Variants in XYLT2 observed in about 807,000 individuals in gnomAD.
The protein encoded by XYLT2 is UDP-D-xylose:proteoglycan core protein beta-D-xylosyltransferase.
A neutral mutation model predicts 82.6 loss-of-function variants in XYLT2; 37 were observed. The observed-to-expected ratio is 0.45, with a 90% confidence interval of 0.34 to 0.59. The LOEUF (loss-of-function observed/expected upper bound fraction) is 0.59, where lower values mean the gene tolerates loss of function less well. Ranked by LOEUF, XYLT2 falls within the 20% of genes least tolerant of loss-of-function variation. The pLI, the probability that XYLT2 is intolerant of heterozygous loss-of-function variation, is 0.01. For synonymous variants in XYLT2, 474 were observed against 499.0 expected (o/e 0.95, Z 0.67); for missense variants, 934 against 1,181.3 (o/e 0.79, Z 3.07).
chr17:50,347,947 G>A (rs1432221944), intron 1 of XYLT2, among the ~76,000 whole-genome samples: 2 of 152,206 alleles, frequency 1.3e-5, no homozygotes, highest in African/African-American at 2.4e-5. Flanking sequence ...CCCTCCTCAA[G>A]ATGGGGATAA....
chr17:50,360,562 C>CTTTTT lies in XYLT2; in HGVS notation c.*275_*279dup, dbSNP rs1353598617. Reference sequence around the variant, plus strand: ...TCACCTTCCTGTCTAGTTTGAATTTCTTTTTTTTCTTTTTTTTTTTTTTTT... The same window carrying CTTTTT: ...TCACCTTCCTGTCTAGTTTGAATTTCTTTTTTTTTTTTTCTTTTTTTTTTTTTTTT... On this transcript the variant is annotated 3_prime_UTR_variant, in exon 11 of 11. Coordinates refer to ENST00000017003, the MANE Select transcript of XYLT2 (RefSeq NM_022167.4). 6.9e-6 allele frequency: 7 copies of CTTTTT among 1,014,388 alleles called. No homozygotes were observed. The highest frequency in any genetic ancestry group is 1.8e-4 in the Admixed American group (2 of 11,238). 62.8% of individuals were successfully genotyped at this position (1,014,388 alleles called of 1,614,324 possible). A position where few individuals can be genotyped will look rare whatever the true frequency, so the allele number is the denominator to read the frequency against.
At chr17:50,347,529 GGA>G (rs1213913530) in intron 1 of XYLT2, among the ~76,000 whole-genome samples, 1 of 152,168 alleles carries the variant, frequency 6.6e-6, no homozygotes, top group Non-Finnish European at 1.5e-5. Flanking sequence ...CAAGCAAGTA[GGA>G]GAGTGTTTCA....
rs751294700 is a variant in XYLT2, at chr17:50,353,887, G to C, written c.393G>C (p.Ala131=). 1.2e-6 allele frequency: 2 copies of C among 1,608,664 alleles called. No individual in the cohort carries two copies. Among genetic ancestry groups the C allele is most frequent in the Non-Finnish European group, 1.7e-6 (2 of 1,179,512 alleles). Reference sequence around the variant, plus strand: ...TGAGTGGGGCAGCAGCTGGGGAGGCGCTGGTAGGGGCAGCTGGCTTCCCAC... The same window carrying C: ...TGAGTGGGGCAGCAGCTGGGGAGGCCCTGGTAGGGGCAGCTGGCTTCCCAC... ...QNLSGAAAGE[A]LVGAAGFPPH... Residue 131 remains alanine, a synonymous_variant, in exon 2 of 11, where the codon GCG becomes GCC. Transcript: ENST00000017003.
Position 50,354,589 on chromosome 17 carries a change from G to C in XYLT2, c.804+6G>C, listed in dbSNP as rs1372875827. 4 of 1,600,722 alleles carry C rather than the reference G, an allele frequency of 2.5e-6. No homozygotes were observed. In the African/African-American group the frequency reaches 5.3e-5, roughly 21 times the overall value. On this transcript the variant is annotated splice_donor_region_variant and intron_variant, in intron 3 of 10. Coordinates refer to ENST00000017003, the MANE Select transcript of XYLT2 (RefSeq NM_022167.4). The stretch of plus-strand genomic sequence containing the variant: ...TTTACATCCATGTGGACAAGGTACT[G>C]TGGTGGGGAGAGGCCAAGGGGTCTG...
At chr17:50,356,871 A>T in intron 8 of XYLT2, 98 bp downstream of exon 8, 1 of 1,508,754 alleles carries the variant, frequency 6.6e-7, no homozygotes, top group Non-Finnish European at 8.8e-7. Context: ...ACAAGGCCCC[A>T]GTCTGAAGCA....
At position 50,357,385 on chromosome 17, in the gene XYLT2, C is replaced by T. The variant is rs564610769; in HGVS notation, c.1941+133C>T. On this transcript the variant is annotated intron_variant, in intron 9 of 10. Coordinates refer to ENST00000017003, the MANE Select transcript of XYLT2 (RefSeq NM_022167.4). ...TGGCAGCCATGGTGATGCCCCCATG[C>T]AGACATCCTGTGTCACCCCCCAGCC... 1.5e-5 allele frequency: 13 copies of T among 892,932 alleles called. No individual in the cohort carries two copies. The South Asian group carries it at 2.1e-4, about 15-fold the overall frequency. The allele number at this position is 892,932 out of a possible 1,614,324, so 55.3% of individuals were successfully genotyped here. A position where few individuals can be genotyped will look rare whatever the true frequency, so the allele number is the denominator to read the frequency against.
In XYLT2 at chr17:50,359,994, G is replaced by A. The variant is rs952891950; in HGVS notation, c.2301G>A (p.Gly767=). The A allele has an allele frequency of 1.9e-6, 3 of 1,608,934 alleles. No individual in the cohort carries two copies. Among genetic ancestry groups the A allele is most frequent in the Non-Finnish European group, 2.5e-6 (3 of 1,176,976 alleles). Reference sequence around the variant, plus strand: ...ATGATGCCAGCTGGCTGCACGCAGGGCCACCCCACAACGAGTACATGGAGC... The same window carrying A: ...ATGATGCCAGCTGGCTGCACGCAGGACCACCCCACAACGAGTACATGGAGC... ...RKDDASWLHA[G]PPHNEYMEQS... is the part of the protein sequence containing the mutation. Residue 767 remains glycine, a synonymous_variant, in exon 11 of 11, where the codon GGG becomes GGA. Coordinates refer to ENST00000017003, the MANE Select transcript of XYLT2 (RefSeq NM_022167.4).
intron 1 of XYLT2, among the ~76,000 whole-genome samples, chr17:50,352,913 G>A (rs555924523): frequency 6.6e-6 from 1 of 152,316 alleles, no homozygotes; most frequent in East Asian, 1.9e-4. Flanking sequence ...CTTCCTCGAG[G>A]CTGTGCTGGA....
chr17:50,355,385 G>A, intron 4 of XYLT2, 116 bp from the exon 5 acceptor site: 1 of 1,129,110 alleles, frequency 8.9e-7, no homozygotes, highest in Non-Finnish European at 1.3e-6. Flanking sequence ...TCAGCCAGGG[G>A]TAGGGCACAT....
Position 50,356,691 on chromosome 17 carries a change from C to T in XYLT2, c.1663C>T (p.Leu555Phe), listed in dbSNP as rs1912553930. Residue 555 changes from leucine to phenylalanine, a missense_variant, in exon 8 of 11, where the codon CTC becomes TTC. Transcript: ENST00000017003. ...DGPSGLSDVM[L>F]TAYTAFARLS... ...CCCCAGTGGGCTCAGTGATGTCATG[C>T]TCACTGCTTACACAGCCTTCGCCCG... 1.2e-6 allele frequency: 2 copies of T among 1,612,746 alleles called. No individual in the cohort carries two copies. The highest frequency in any genetic ancestry group is 1.7e-6 in the Non-Finnish European group (2 of 1,180,010).
intron 2 of XYLT2, 44 bp downstream of exon 2, chr17:50,354,166 G>A (rs1463123412): frequency 3.1e-6 from 5 of 1,597,142 alleles, no homozygotes; most frequent in Non-Finnish European, 8.5e-7. Flanking sequence ...CGGGGGCAGG[G>A]GGGTGGCATG....
At position 50,356,658 on chromosome 17, in the gene XYLT2, G is replaced by A; in HGVS notation, c.1630G>A (p.Ala544Thr). The A allele has an allele frequency of 1.2e-6, 2 of 1,613,944 alleles. No individual in the cohort carries two copies. Among genetic ancestry groups the A allele is most frequent in the Non-Finnish European group, 1.7e-6 (2 of 1,180,026 alleles). Residue 544 changes from alanine (A) to threonine (T), a missense_variant, in exon 8 of 11, where the codon GCT becomes ACT. Ala to Thr is a moderately conservative substitution (Grantham distance 58). Coordinates refer to ENST00000017003, the MANE Select transcript of XYLT2 (RefSeq NM_022167.4). ...CTACTGGGAGAACACCTACGACGCG[G>A]CTGATGGCCCCAGTGGGCTCAGTGA... ...KAYWENTYDA[A>T]DGPSGLSDVM... is the part of the protein sequence containing the mutation.
At chr17:50,357,343 G>C in intron 9 of XYLT2, 91 bp downstream of exon 9, 1 of 1,335,862 alleles carries the variant, frequency 7.5e-7, no homozygotes, top group Non-Finnish European at 9.9e-7. Flanking sequence ...GAGGGGTAAG[G>C]TTATTTTTCC....
rs1912060555 is a variant in XYLT2, at chr17:50,346,733, C to T, written c.135+458C>T. 2.0e-6 allele frequency: 2 copies of T among 985,238 alleles called. No homozygotes were observed. Among genetic ancestry groups the T allele is most frequent in the Admixed American group, 6.1e-5 (1 of 16,262 alleles). 61.0% of individuals were successfully genotyped at this position (985,238 alleles called of 1,614,324 possible). A position where few individuals can be genotyped will look rare whatever the true frequency, so the allele number is the denominator to read the frequency against. ...CTCAGGGCGTCCTTCCCCAGCTGAG[C>T]CCGAGGGGCAGCGGCCGGTGAGGAA... is the stretch of plus-strand genomic sequence containing the variant. On this transcript the variant is annotated intron_variant, in intron 1 of 10. Transcript: ENST00000017003. This position sits in a 1 kb window ranked among gnomAD's most constrained non-coding sequence, Gnocchi z 5.1.
At chr17:50,356,418 G>A (rs1912533296) in intron 7 of XYLT2, 93 bp from the exon 8 acceptor site, 1 of 1,557,148 alleles carries the variant, frequency 6.4e-7, no homozygotes, top group Non-Finnish European at 8.7e-7. Context: ...AAAGCCGCAG[G>A]AGGCTGAGCT....
At position 50,346,250 on chromosome 17, in the gene XYLT2, G is replaced by A; in HGVS notation, c.110G>A (p.Gly37Asp). 8.3e-7 allele frequency: 1 copy of A among 1,205,430 alleles called. No individual in the cohort carries two copies. Among genetic ancestry groups the A allele is most frequent in the Non-Finnish European group, 1.1e-6 (1 of 947,556 alleles). 74.7% of individuals were successfully genotyped at this position (1,205,430 alleles called of 1,614,324 possible). Residue 37 changes from glycine (G) to aspartate (D), a missense_variant, in exon 1 of 11, where the codon GGC becomes GAC. Coordinates refer to ENST00000017003, the MANE Select transcript of XYLT2 (RefSeq NM_022167.4). The surrounding 1 kb of genome is among the most constrained non-coding windows in gnomAD (Gnocchi z 5.1). ...LQGLVVWSFS[G>D]LEEDEAGEKG... Reference sequence around the variant, plus strand: ...GGCCTGGTAGTGTGGAGCTTCAGCGGCCTGGAGGAGGACGAGGCGGGCGAG... The same window carrying A: ...GGCCTGGTAGTGTGGAGCTTCAGCGACCTGGAGGAGGACGAGGCGGGCGAG...
rs1019356674 is a variant in XYLT2 at position 50,360,886 on chromosome 17, A to G, written c.*595A>G. ...CTGCAGAGCTGGGCTCTAGCAGGAC[A>G]GTTCTTTTGTAGCCAGGGGACCCTA... On this transcript the variant is annotated 3_prime_UTR_variant, in exon 11 of 11. Transcript: ENST00000017003. 1 of 985,780 alleles carries G rather than the reference A, an allele frequency of 1.0e-6. No individual in the cohort carries two copies. The highest frequency in any genetic ancestry group is 1.7e-5 in the African/African-American group (1 of 57,234). The allele number at this position is 985,780 out of a possible 1,614,324, so 61.1% of individuals were successfully genotyped here.
At chr17:50,353,560 C>G in intron 1 of XYLT2, 70 bp from the exon 2 acceptor site, 1 of 1,513,560 alleles carries the variant, frequency 6.6e-7, no homozygotes. Context: ...TGCCCCCAAC[C>G]AAGATGGAAC....
intron 1 of XYLT2, among the ~76,000 whole-genome samples, chr17:50,351,297 G>A (rs559789390): frequency 6.6e-6 from 1 of 152,284 alleles, no homozygotes; most frequent in African/African-American, 2.4e-5. Flanking sequence ...GGCCCCGATG[G>A]GATTTACTGA....
Sources: gnomAD v4.1 joint callset for allele counts (sites outside exome capture counted in the v4.1 genomes callset) on GRCh38, gnomAD v4.1.1 for gene constraint, Gnocchi (gnomAD v3.1) non-coding constraint, MANE v1.5 for transcripts, NCBI Gene and HGNC (gene_info 2026-07-23, HGNC 2026-07-21) for gene names.